Variants in BRDT observed in about 807,000 individuals in gnomAD.
The protein encoded by BRDT is bromodomain testis associated, also known as bromodomain testis-specific protein.
BRDT carries 77 observed loss-of-function variants against 113.9 expected under a neutral mutation model. The ratio of observed to expected loss-of-function variants is 0.68; its 90% confidence interval spans 0.56 to 0.82. BRDT has a LOEUF of 0.82. Ranked by LOEUF, BRDT falls within the 40% of genes least tolerant of loss-of-function variation. The pLI, the probability that BRDT is intolerant of heterozygous loss-of-function variation, is 0.00. For missense variants in BRDT, 1,027 were observed against 1,105.4 expected, an observed-to-expected ratio of 0.93 and a Z score of 1.01; for synonymous variants, 358 against 366.5, an observed-to-expected ratio of 0.98 and a Z score of 0.26.
chr1:91,980,546 CAA>C, intron 8 of BRDT, 95 bp from the exon 9 acceptor site: 1 of 1,066,088 alleles, frequency 9.4e-7, no homozygotes, highest in Non-Finnish European at 1.3e-6. Context: ...ATGAATTTCA[CAA>C]AAGACATTCT....
intron 4 of BRDT, among the ~76,000 whole-genome samples, chr1:91,973,456 G>C (rs988538118): frequency 5.3e-5 from 8 of 151,974 alleles, no homozygotes; most frequent in Admixed American, 3.9e-4. Flanking sequence ...CTTTTATTTC[G>C]TTGAGCAGTG....
At chr1:91,992,513 G>A (rs1186469297) in intron 14 of BRDT, among the ~76,000 whole-genome samples, 199 bp downstream of exon 14, 7 of 151,600 alleles carry the variant, frequency 4.6e-5, no homozygotes, top group African/African-American at 7.3e-5. Context: ...CTTTGGACAC[G>A]TAAGTGAAAT....
chr1:91,999,124 G>A (rs567882663), intron 15 of BRDT, among the ~76,000 whole-genome samples: 23 of 152,074 alleles, frequency 1.5e-4, no homozygotes, highest in African/African-American at 5.1e-4. Context: ...CAGTAGTAGG[G>A]AAAAAATGAC....
At chr1:91,973,638 G>A (rs1475956271) in intron 4 of BRDT, among the ~76,000 whole-genome samples, 2 of 152,162 alleles carry the variant, frequency 1.3e-5, no homozygotes, top group Admixed American at 6.5e-5. Context: ...TGTATCCTGA[G>A]ACTTTGCTGA....
At chr1:91,975,821 G>T (rs968669730) in intron 4 of BRDT, among the ~76,000 whole-genome samples, 4 of 152,202 alleles carry the variant, frequency 2.6e-5, no homozygotes, top group African/African-American at 7.2e-5. Context: ...TCTGAAGAAG[G>T]TATTGATAAG....
At chr1:91,965,383 T>C (rs1183874534) in intron 3 of BRDT, among the ~76,000 whole-genome samples, 1 of 152,204 alleles carries the variant, frequency 6.6e-6, no homozygotes, top group Non-Finnish European at 1.5e-5. Flanking sequence ...TTTCTGTGAA[T>C]AAGGTATTTC....
At chr1:91,968,089 C>T (rs1683250444) in intron 3 of BRDT, 57 bp from the exon 4 acceptor site, 2 of 1,562,932 alleles carry the variant, frequency 1.3e-6, no homozygotes, top group Admixed American at 1.8e-5. Context: ...GAATTTAAAA[C>T]ATTTGGTACA....
At chr1:91,969,654 A>G (rs1683415996) in intron 4 of BRDT, among the ~76,000 whole-genome samples, 1 of 152,076 alleles carries the variant, frequency 6.6e-6, no homozygotes, top group Admixed American at 6.6e-5. Context: ...GCAAGATAAA[A>G]ATTATTATTT....
At chr1:91,954,253 C>T (rs1423108425) in intron 1 of BRDT, among the ~76,000 whole-genome samples, 4 of 146,850 alleles carry the variant, frequency 2.7e-5, no homozygotes, top group African/African-American at 1.0e-4. Flanking sequence ...ATTTTAGGTG[C>T]GAGCCACGGT....
At position 91,981,677 on chromosome 1, in the gene BRDT, A is replaced by G. The variant is rs1419983656; in HGVS notation, c.1924A>G (p.Ser642Gly). The G allele has an allele frequency of 6.2e-7, 1 of 1,614,110 alleles. No individual in the cohort carries two copies. Among genetic ancestry groups the G allele is most frequent in the Non-Finnish European group, 8.5e-7 (1 of 1,180,038 alleles). The change falls in exon 12 of 19, where the codon AGC becomes GGC. Residue 642 changes from serine (S) to glycine (G), a missense_variant. Ser to Gly is a moderately conservative substitution (Grantham distance 56, BLOSUM62 0). Coordinates refer to ENST00000399546, the MANE Select transcript of BRDT (RefSeq NM_207189.4). Reference sequence around the variant, plus strand: ...TGTTTCCCGACTGAGTGAGAGCAGCAGCAGCAGCAGCAGCTCATCAGAGTC... The same window carrying G: ...TGTTTCCCGACTGAGTGAGAGCAGCGGCAGCAGCAGCAGCTCATCAGAGTC... Reference protein sequence around the residue: ...ENVSRLSESSSSSSSSSESES... With the variant: ...ENVSRLSESSGSSSSSSESES...
In BRDT at chr1:92,012,925, G is replaced by T. The variant is rs1221404103; in HGVS notation, c.2776-1281G>T. Among the ~76,000 whole-genome samples the T allele has an allele frequency of 2.8e-5, 4 of 144,082 alleles. No homozygotes were observed. The Admixed American group carries it at 2.8e-4, about 10-fold the overall frequency. The allele number at this position is 144,082 out of a possible 152,430, so 94.5% of individuals were successfully genotyped here. A position where few individuals can be genotyped will look rare whatever the true frequency, so the allele number is the denominator to read the frequency against. ...ACTCTGTCACAAGAAAAAAAAAAAA[G>T]AATGTAGTTCATGCCAGTTGCAGCA... On this transcript the variant is annotated intron_variant, in intron 18 of 18. Coordinates refer to ENST00000399546, the MANE Select transcript of BRDT (RefSeq NM_207189.4).
chr1:91,984,520 T>C (rs1284282827), intron 12 of BRDT, among the ~76,000 whole-genome samples: 3 of 152,150 alleles, frequency 2.0e-5, no homozygotes, highest in Non-Finnish European at 4.4e-5. Flanking sequence ...GGCTATTTAC[T>C]AAGAAAATTT....
chr1:92,008,875 T>C (rs1687561490), intron 18 of BRDT, among the ~76,000 whole-genome samples: 1 of 152,230 alleles, frequency 6.6e-6, no homozygotes, highest in South Asian at 2.1e-4. Context: ...TTGACAATTA[T>C]ATATATTTAT....
intron 15 of BRDT, among the ~76,000 whole-genome samples, chr1:92,000,839 T>C (rs367729690): frequency 5.4e-4 from 82 of 152,322 alleles, no homozygotes; most frequent in African/African-American, 1.7e-3. Flanking sequence ...TTTGTTGGCA[T>C]ACATAAGCAA....
chr1:91,976,208 A>G (rs1374867304), intron 4 of BRDT, 58 bp from the exon 5 acceptor site: 1 of 1,437,088 alleles, frequency 7.0e-7, no homozygotes, highest in Non-Finnish European at 9.3e-7. Context: ...ATAAGACAGA[A>G]AGTGGTATTT....
At chr1:91,965,209 C>T (rs1427827839) in intron 3 of BRDT, among the ~76,000 whole-genome samples, 1 of 151,986 alleles carries the variant, frequency 6.6e-6, no homozygotes, top group East Asian at 1.9e-4. Flanking sequence ...CCACTGTGCC[C>T]GGCCAAGATC....
chr1:92,009,327 A>C (rs1390187263), intron 18 of BRDT, among the ~76,000 whole-genome samples: 1 of 152,074 alleles, frequency 6.6e-6, no homozygotes, highest in East Asian at 1.9e-4. Flanking sequence ...GTTCCATTAT[A>C]TATATATAAC....
chr1:91,966,065 C>T (rs929637275), intron 3 of BRDT, among the ~76,000 whole-genome samples: 2 of 152,014 alleles, frequency 1.3e-5, no homozygotes, highest in Non-Finnish European at 2.9e-5. Flanking sequence ...GAGTCTCGCT[C>T]TGTTGCCCAG....
intron 3 of BRDT, among the ~76,000 whole-genome samples, chr1:91,966,113 C>T (rs1055548800): frequency 6.6e-6 from 1 of 152,064 alleles, no homozygotes; most frequent in African/African-American, 2.4e-5. Context: ...TAAACTTAAT[C>T]TTCATATTGG....
Sources: allele counts gnomAD v4.1 joint callset (sites outside exome capture counted in the v4.1 genomes callset), GRCh38; gene constraint gnomAD v4.1.1; transcripts MANE v1.5; gene names NCBI Gene and HGNC (gene_info 2026-07-23, HGNC 2026-07-21).